Variants in RELT observed in about 807,000 individuals in gnomAD.
RELT encodes the protein tumor necrosis factor receptor superfamily member 19L.
RELT carries 37 observed loss-of-function variants against 51.1 expected under a neutral mutation model. The observed-to-expected ratio is 0.72, with a 90% CI of 0.56 to 0.95. The LOEUF is 0.95. Ranked by LOEUF, RELT falls within the 40% of genes least tolerant of loss-of-function variation. RELT has a pLI of 0.00. For synonymous variants in RELT, 241 were observed against 235.7 expected, an observed-to-expected ratio of 1.02 and a Z score of -0.21; for missense variants, 535 against 572.6, an observed-to-expected ratio of 0.93 and a Z score of 0.67.
In RELT at chr11:73,392,342, G is replaced by A. The variant is rs758774236; in HGVS notation, c.499G>A (p.Ala167Thr). 3.2e-5 allele frequency: 51 copies of A among 1,613,636 alleles called. No homozygotes were observed. The Admixed American group carries it at 4.3e-4, about 14-fold the overall frequency. ...GACAGCCGCCCAGTACGCGGTCATC[G>A]CCATCGTCCCTGTCTTCTGCCTCAT... is the stretch of plus-strand genomic sequence containing the variant. ...EETAAQYAVI[A>T]IVPVFCLMGL... is the part of the protein sequence containing the mutation. The change falls in exon 6 of 11, where the codon GCC (alanine) becomes ACC (threonine). Residue 167 changes from alanine (A) to threonine (T), a missense_variant. Ala to Thr is a moderately conservative substitution (Grantham distance 58, BLOSUM62 0). Coordinates refer to ENST00000064780, the MANE Select transcript of RELT (RefSeq NM_152222.2).
chr11:73,380,631 C>T (rs1213330803), intron 1 of RELT, among the ~76,000 whole-genome samples: 4 of 152,102 alleles, frequency 2.6e-5, no homozygotes, highest in South Asian at 2.1e-4. Context: ...AGGTGAGGGT[C>T]GAGGGGTTTG....
Position 73,392,411 on chromosome 11 carries a change from G to C in RELT, c.568G>C (p.Gly190Arg), listed in dbSNP as rs1451130672. 6.2e-7 allele frequency: 1 copy of C among 1,613,720 alleles called. No individual in the cohort carries two copies. Among genetic ancestry groups the C allele is most frequent in the Non-Finnish European group, 8.5e-7 (1 of 1,179,940 alleles). ...GGTGTGCAACCTCCTCAAGCGGAAG[G>C]GCTACCACTGCACGGCGCACAAGGA... ...ILVCNLLKRK[G>R]YHCTAHKEVG... The change falls in exon 6 of 11, where the codon GGC becomes CGC. Residue 190 changes from glycine to arginine, a missense_variant. Coordinates refer to ENST00000064780, the MANE Select transcript of RELT (RefSeq NM_152222.2).
Position 73,394,525 on chromosome 11 carries a change from C to A in RELT, c.837C>A (p.His279Gln), listed in dbSNP as rs1866275566. The change falls in exon 9 of 11, where the codon CAC becomes CAA. Residue 279 changes from histidine (H) to glutamine (Q), a missense_variant. Coordinates refer to ENST00000064780, the MANE Select transcript of RELT (RefSeq NM_152222.2). This position sits in a 1 kb window ranked among gnomAD's most constrained non-coding sequence, Gnocchi z 4.9. ...PNVPHICPHR[H>Q]HLHTVQGLAS... is the part of the protein sequence containing the mutation. ...TGCCACACATCTGCCCGCACCGCCA[C>A]CATCTCCACACCGTGCAGGGCCTGG... 1 of 1,611,190 alleles carries A rather than the reference C, an allele frequency of 6.2e-7. No individual in the cohort carries two copies. The highest frequency in any genetic ancestry group is 8.5e-7 in the Non-Finnish European group (1 of 1,179,890).
At chr11:73,389,734 G>A (rs370962141) in intron 2 of RELT, among the ~76,000 whole-genome samples, 25 of 152,218 alleles carry the variant, frequency 1.6e-4, no homozygotes, top group African/African-American at 5.8e-4. Context: ...ACTTGGCCTT[G>A]GGCCTTGCTA....
chr11:73,386,443 A>AG (rs1261477878), intron 1 of RELT, among the ~76,000 whole-genome samples: 2 of 152,062 alleles, frequency 1.3e-5, no homozygotes, highest in African/African-American at 4.8e-5. Flanking sequence ...CTTGTGGGGC[A>AG]GGGTGTGAGG....
intron 1 of RELT, among the ~76,000 whole-genome samples, chr11:73,383,582 G>A (rs1281907409): frequency 6.6e-6 from 1 of 152,236 alleles, no homozygotes; most frequent in Non-Finnish European, 1.5e-5. Context: ...AACACTGCAA[G>A]GACATTTACT....
In RELT at chr11:73,394,567, C is replaced by T. The variant is rs759695124; in HGVS notation, c.879C>T (p.Pro293=). Residue 293 remains proline, a synonymous_variant, in exon 9 of 11, where the codon CCC becomes CCT. Coordinates refer to ENST00000064780, the MANE Select transcript of RELT (RefSeq NM_152222.2). The surrounding 1 kb of genome is among the most constrained non-coding windows in gnomAD (Gnocchi z 4.9). ...TVQGLASLSG[P]CCSRCSQKKW... ...AGGGCCTGGCCTCGCTCTCTGGCCCCTGCTGCTCCCGCTGTAGCCAGAAGA... is the reference window on the plus strand; with the variant it reads ...AGGGCCTGGCCTCGCTCTCTGGCCCTTGCTGCTCCCGCTGTAGCCAGAAGA... The T allele has an allele frequency of 3.9e-5, 63 of 1,612,556 alleles. No homozygotes were observed. In the South Asian group the frequency reaches 6.4e-4, roughly 16 times the overall value.
rs1360149180 is a variant in RELT at position 73,388,997 on chromosome 11, A to G, written c.-25-115A>G. ...CGGCCTCCCCGGGCTCTGCCTGCCC[A>G]GCAGCACCTTGCCTGCTCCCCATGA... On this transcript the variant is annotated intron_variant, in intron 1 of 10. Transcript: ENST00000064780. This position sits in a 1 kb window ranked among gnomAD's most constrained non-coding sequence, Gnocchi z 4.1. 3.0e-6 allele frequency: 2 copies of G among 665,756 alleles called. No homozygotes were observed. Among genetic ancestry groups the G allele is most frequent in the East Asian group, 5.6e-5 (2 of 35,542 alleles). The allele number at this position is 665,756 out of a possible 1,614,324, so 41.2% of individuals were successfully genotyped here. A position where few individuals can be genotyped will look rare whatever the true frequency, so the allele number is the denominator to read the frequency against.
rs752900812 is a variant in RELT at position 73,395,145 on chromosome 11, A to C, written c.1105A>C (p.Thr369Pro). ...RTSSMVSEVK[T>P]ITEAGPSWGD... ...AAGTTCAATGGTGTCTGAGGTGAAG[A>C]CCATCACGGAGGCTGGGCCCTCGTG... is the stretch of plus-strand genomic sequence containing the variant. Residue 369 changes from threonine to proline, a missense_variant, in exon 10 of 11, where the codon ACC (threonine) becomes CCC (proline). Physicochemically the swap from Thr to Pro is conservative, Grantham distance 38 (BLOSUM62 -1). Coordinates refer to ENST00000064780, the MANE Select transcript of RELT (RefSeq NM_152222.2). 5 of 1,613,546 alleles carry C rather than the reference A, an allele frequency of 3.1e-6. No individual in the cohort carries two copies. In the South Asian group the frequency reaches 3.3e-5, roughly 11 times the overall value.
chr11:73,381,337 C>G (rs904082212), intron 1 of RELT, among the ~76,000 whole-genome samples: 6 of 152,080 alleles, frequency 3.9e-5, no homozygotes, highest in African/African-American at 1.4e-4. Context: ...GAGGGGGGAC[C>G]TGCGCTTAGC....
rs1866165419 is a variant in RELT, at chr11:73,388,893, C to T, written c.-25-219C>T. On this transcript the variant is annotated intron_variant, in intron 1 of 10. Transcript: ENST00000064780. The surrounding 1 kb of genome is among the most constrained non-coding windows in gnomAD (Gnocchi z 4.1). ...CCTGCAGAGCCTTCTTCCTGCCTTCCTGCCTGTGCTGCCCCGTGAGGCCGG... is the reference window on the plus strand; with the variant it reads ...CCTGCAGAGCCTTCTTCCTGCCTTCTTGCCTGTGCTGCCCCGTGAGGCCGG... Among the ~76,000 whole-genome samples the T allele has an allele frequency of 6.6e-6, 1 of 152,346 alleles. No homozygotes were observed. Among genetic ancestry groups the T allele is most frequent in the South Asian group, 2.1e-4 (1 of 4,828 alleles).
chr11:73,395,426 C>T lies in RELT; in HGVS notation c.1246-18C>T. The T allele has an allele frequency of 1.1e-6, 1 of 949,194 alleles. No homozygotes were observed. Among genetic ancestry groups the T allele is most frequent in the Non-Finnish European group, 1.7e-6 (1 of 572,136 alleles). 58.8% of individuals were successfully genotyped at this position (949,194 alleles called of 1,614,324 possible). A position where few individuals can be genotyped will look rare whatever the true frequency, so the allele number is the denominator to read the frequency against. On this transcript the variant is annotated intron_variant, in intron 10 of 10. Transcript: ENST00000064780. ...CCAGCCCCTGACTCAGCTCTGACCC[C>T]TCACCCCTGCCCACCAGGAGAACCG...
Position 73,389,133 on chromosome 11 carries a change from G to C in RELT, c.-4G>C. The C allele has an allele frequency of 1.9e-6, 3 of 1,549,810 alleles. No individual in the cohort carries two copies. Among genetic ancestry groups the C allele is most frequent in the Non-Finnish European group, 2.6e-6 (3 of 1,147,368 alleles). The stretch of plus-strand genomic sequence containing the variant: ...CTAGGCCGGCGACCACCAGGGGCCT[G>C]AGGATGAAGCCAAGTCTGCTGTGCC... On this transcript the variant is annotated 5_prime_UTR_variant, in exon 2 of 11. Transcript: ENST00000064780.
chr11:73,381,942 G>A (rs1055320130), intron 1 of RELT, among the ~76,000 whole-genome samples: 1 of 152,206 alleles, frequency 6.6e-6, no homozygotes, highest in East Asian at 1.9e-4. Context: ...TTGGTCCTGA[G>A]CTTGGGTTCC....
At position 73,390,782 on chromosome 11, in the gene RELT, C is replaced by T; in HGVS notation, c.148C>T (p.Pro50Ser). The T allele has an allele frequency of 6.2e-7, 1 of 1,610,100 alleles. No homozygotes were observed. The highest frequency in any genetic ancestry group is 8.5e-7 in the Non-Finnish European group (1 of 1,178,696). Residue 50 changes from proline (P) to serine (S), a missense_variant, in exon 4 of 11, where the codon CCC (proline) becomes TCC (serine). Physicochemically the swap from Pro to Ser is moderately conservative, Grantham distance 74. Coordinates refer to ENST00000064780, the MANE Select transcript of RELT (RefSeq NM_152222.2). ...LDPGQGTLCRPCPPGTFSAAW... is the reference protein window; with the variant it reads ...LDPGQGTLCRSCPPGTFSAAW... ...CCCAGGGCAGGGCACATTATGCAGG[C>T]CCTGCCCCCCAGGCACCTTCTCAGC... is the stretch of plus-strand genomic sequence containing the variant.
chr11:73,394,601 G>T lies in RELT; in HGVS notation c.913G>T (p.Glu305Ter). The change falls in exon 9 of 11, where the codon GAG (glutamate) becomes TAG (stop). Residue 305 changes from glutamate to a stop codon, truncating the protein, a stop_gained. Coordinates refer to ENST00000064780, the MANE Select transcript of RELT (RefSeq NM_152222.2). LOFTEE classifies it high-confidence loss of function. The surrounding 1 kb of genome is among the most constrained non-coding windows in gnomAD (Gnocchi z 4.9). ...CCGCTGTAGCCAGAAGAAGTGGCCC[G>T]AGGTGCTGCTGTCCCCTGAGGCTGT... ...CSRCSQKKWPEVLLSPEAVAA... is the reference protein window; with the variant it reads ...CSRCSQKKWP 6.2e-7 allele frequency: 1 copy of T among 1,613,240 alleles called. No homozygotes were observed. The highest frequency in any genetic ancestry group is 8.5e-7 in the Non-Finnish European group (1 of 1,180,006).
In RELT at chr11:73,390,632, A is replaced by G. The variant is rs747786558; in HGVS notation, c.120+7A>G. The G allele has an allele frequency of 1.9e-6, 3 of 1,613,698 alleles. No homozygotes were observed. The highest frequency in any genetic ancestry group is 1.3e-5 in the African/African-American group (1 of 75,046). ...TGGGGAGGAGCCCGACCTGGTGAGC[A>G]TTGCCCTGCTCTCCTGCCTGTCCTG... On this transcript the variant is annotated splice_region_variant and intron_variant, in intron 3 of 10. Transcript: ENST00000064780.
At chr11:73,381,860 AG>A (rs1866055241) in intron 1 of RELT, among the ~76,000 whole-genome samples, 1 of 152,174 alleles carries the variant, frequency 6.6e-6, no homozygotes, top group South Asian at 2.1e-4. Flanking sequence ...TTGTGCTGCC[AG>A]GGTTTACGTG....
intron 2 of RELT, among the ~76,000 whole-genome samples, chr11:73,390,222 A>T (rs921339526): frequency 2.6e-5 from 4 of 152,100 alleles, no homozygotes; most frequent in Admixed American, 1.3e-4. Context: ...AGAATACGAG[A>T]GAGGATTCGG....
Sources: allele counts gnomAD v4.1 joint callset (sites outside exome capture counted in the v4.1 genomes callset), GRCh38; gene constraint gnomAD v4.1.1; non-coding constraint Gnocchi (gnomAD v3.1); transcripts MANE v1.5; gene names NCBI Gene and HGNC (gene_info 2026-07-23, HGNC 2026-07-21).